CLASP1: variants seen among roughly 807,000 people sequenced by gnomAD.
The protein encoded by CLASP1 is cytoplasmic linker associated protein 1.
In CLASP1, 38 loss-of-function variants were observed where a neutral mutation model predicts 192.3. The observed-to-expected ratio is 0.20, with a 90% CI of 0.15 to 0.26. The LOEUF (loss-of-function observed/expected upper bound fraction) is 0.26. Among genes scored for constraint, CLASP1 ranks in the 10% least tolerant of loss-of-function variants. CLASP1 has a pLI of 1.00. For synonymous variants in CLASP1, 691 were observed against 712.8 expected (o/e 0.97, Z 0.49); for missense variants, 1,433 against 1,932.5 (o/e 0.74, Z 4.85).
In CLASP1 at chr2:121,402,906, G is replaced by A. The variant is rs573905594; in HGVS notation, c.2734-1036C>T. ...TGTTCAGGCAGGAGTGCAGTGGTGC[G>A]ATCTCAGCTCACTGTAACCTCCACC... On this transcript the variant is annotated intron_variant, in intron 26 of 39. Coordinates refer to ENST00000263710, the Ensembl canonical transcript of CLASP1. 4.6e-5 allele frequency among the ~76,000 whole-genome samples: 7 copies of A among 152,224 alleles called. No homozygotes were observed. The South Asian group carries it at 1.0e-3, about 23-fold the overall frequency.
intron 2 of CLASP1, among the ~76,000 whole-genome samples, chr2:121,586,835 C>T (rs547091157): frequency 6.6e-6 from 1 of 152,298 alleles, no homozygotes; most frequent in Admixed American, 6.5e-5. Context: ...CTGTGAAGCG[C>T]ACTGCTTTCT....
intron 2 of CLASP1, among the ~76,000 whole-genome samples, chr2:121,567,160 T>C (rs1173366399): frequency 6.6e-6 from 1 of 152,242 alleles, no homozygotes; most frequent in Non-Finnish European, 1.5e-5. Flanking sequence ...AGGCCTAGTA[T>C]GCAGAACTGT....
At chr2:121,573,908 T>C (rs942260145) in intron 2 of CLASP1, among the ~76,000 whole-genome samples, 30 of 152,182 alleles carry the variant, frequency 2.0e-4, no homozygotes, top group African/African-American at 5.8e-4. Flanking sequence ...TTACCACACA[T>C]AGACCAGCAA....
chr2:121,382,935 T>G (rs2072105064), intron 32 of CLASP1, among the ~76,000 whole-genome samples: 1 of 152,196 alleles, frequency 6.6e-6, no homozygotes, highest in Non-Finnish European at 1.5e-5. Context: ...GCTAGCATGT[T>G]AAGTCTCAGC....
At chr2:121,497,258 G>A (rs1012034280) in intron 8 of CLASP1, among the ~76,000 whole-genome samples, 3 of 152,038 alleles carry the variant, frequency 2.0e-5, no homozygotes, top group Non-Finnish European at 4.4e-5. Flanking sequence ...GGAGAGGGAG[G>A]TATCAAAAAT....
In CLASP1 at chr2:121,382,281, G is replaced by A. The variant is rs773683256; in HGVS notation, c.3418C>T (p.Pro1140Ser). Residue 1140 changes from proline (P) to serine (S), a missense_variant, in exon 33 of 40, where the codon CCT (proline) becomes TCT (serine). Physicochemically the swap from Pro to Ser is moderately conservative, Grantham distance 74 (BLOSUM62 -1). Transcript: ENST00000263710. ...ATGGAGTTAGGCTGAGAAAAGGGAG[G>A]TGGGTGCTTCGCTAACCCGTCGGCA... 1.2e-6 allele frequency: 2 copies of A among 1,601,866 alleles called. No homozygotes were observed. The highest frequency in any genetic ancestry group is 1.7e-6 in the Non-Finnish European group (2 of 1,174,414).
exon 8 of CLASP1, chr2:121,503,172 G>A (rs748722592): frequency 6.5e-7 from 1 of 1,546,888 alleles, no homozygotes; most frequent in Non-Finnish European, 8.8e-7. Flanking sequence ...CTCACCATTT[G>A]CAGATTGTAT....
chr2:121,437,907 A>G (rs1198722671), intron 19 of CLASP1, among the ~76,000 whole-genome samples: 1 of 152,230 alleles, frequency 6.6e-6, no homozygotes, highest in Non-Finnish European at 1.5e-5. Flanking sequence ...TTTACTCTAG[A>G]ATAGTAATGT....
intron 2 of CLASP1, among the ~76,000 whole-genome samples, chr2:121,574,776 G>A (rs150543337): frequency 0.013 from 2,020 of 151,364 alleles, 43 homozygotes; most frequent in African/African-American, 0.045. Context: ...GTCTCTACTA[G>A]AAATACAAAA....
intron 1 of CLASP1, among the ~76,000 whole-genome samples, chr2:121,643,322 G>A (rs2034137): frequency 0.19 from 29,259 of 152,168 alleles, 5,027 homozygotes; most frequent in African/African-American, 0.46. Context: ...ATGGCAAAAA[G>A]ACTAGAAGAC....
At chr2:121,478,693 ACACAAC>A (rs1320573220) in intron 8 of CLASP1, among the ~76,000 whole-genome samples, 5 of 72,136 alleles carry the variant, frequency 6.9e-5, no homozygotes, top group African/African-American at 1.5e-4. Context: ...CACCCCACAC[ACACAAC>A]CACACCCCAC....
intron 30 of CLASP1, among the ~76,000 whole-genome samples, chr2:121,391,726 A>C (rs2074388193): frequency 6.6e-6 from 1 of 152,060 alleles, no homozygotes; most frequent in South Asian, 2.1e-4. Flanking sequence ...AACATGGTGA[A>C]ACTCCCGTCT....
intron 4 of CLASP1, among the ~76,000 whole-genome samples, chr2:121,528,174 A>G (rs2094629243): frequency 6.6e-6 from 1 of 152,248 alleles, no homozygotes; most frequent in African/African-American, 2.4e-5. Context: ...GGGTGAGGAA[A>G]GCAAGGCCAA....
intron 1 of CLASP1, among the ~76,000 whole-genome samples, chr2:121,626,373 A>T (rs2068370181): frequency 6.6e-6 from 1 of 152,222 alleles, no homozygotes; most frequent in African/African-American, 2.4e-5. Flanking sequence ...CTTTCATTTC[A>T]TCAATAAAAT....
At chr2:121,432,750 G>A (rs1447574316) in intron 19 of CLASP1, among the ~76,000 whole-genome samples, 1 of 151,646 alleles carries the variant, frequency 6.6e-6, no homozygotes, top group Non-Finnish European at 1.5e-5. Flanking sequence ...TCTGTTCTTG[G>A]CAGGTAAGAA....
At chr2:121,472,214 A>T (rs901272830) in intron 8 of CLASP1, among the ~76,000 whole-genome samples, 1 of 152,212 alleles carries the variant, frequency 6.6e-6, no homozygotes, top group Non-Finnish European at 1.5e-5. Flanking sequence ...TGTCATTTAG[A>T]ACAGTACTCA....
At chr2:121,612,809 C>T (rs1206635979) in intron 1 of CLASP1, among the ~76,000 whole-genome samples, 1 of 152,182 alleles carries the variant, frequency 6.6e-6, no homozygotes, top group Non-Finnish European at 1.5e-5. Context: ...TCAGCCCTTG[C>T]CTGCCTTTAG....
intron 2 of CLASP1, among the ~76,000 whole-genome samples, chr2:121,566,955 C>T (rs1006914428): frequency 1.3e-5 from 2 of 152,178 alleles, no homozygotes; most frequent in African/African-American, 2.4e-5. Context: ...GGCCTTCACG[C>T]CCTCTGAGGC....
intron 4 of CLASP1, 81 bp from the exon 5 acceptor site, chr2:121,527,971 C>T (rs2094618810): frequency 8.7e-7 from 1 of 1,143,808 alleles, no homozygotes; most frequent in Non-Finnish European, 1.3e-6. Context: ...GAAGGCAAGC[C>T]TCTTAACGAG....
Sources: gnomAD v4.1 joint callset for allele counts (sites outside exome capture counted in the v4.1 genomes callset) on GRCh38, gnomAD v4.1.1 for gene constraint, MANE v1.5 for transcripts, NCBI Gene and HGNC (gene_info 2026-07-23, HGNC 2026-07-21) for gene names.